AMDHD1: variants seen among roughly 807,000 people sequenced by gnomAD.
AMDHD1 encodes the protein probable imidazolonepropionase.
Under a neutral mutation model 44.1 loss-of-function variants are expected in AMDHD1, and 45 were observed. The ratio of observed to expected loss-of-function variants is 1.02; its 90% CI spans 0.80 to 1.31. The LOEUF is 1.31. Among genes scored for constraint, AMDHD1 ranks in the 50% most tolerant of loss-of-function variants. AMDHD1 has a pLI of 0.00. For missense variants in AMDHD1, 586 were observed against 552.1 expected (o/e 1.06, Z -0.61); for synonymous variants, 206 against 205.0 (o/e 1.00, Z -0.04).
chr12:95,961,207 A>C (rs1364560891), intron 5 of AMDHD1, among the ~76,000 whole-genome samples: 1 of 152,112 alleles, frequency 6.6e-6, no homozygotes, highest in Non-Finnish European at 1.5e-5. Context: ...TAAATTTCTA[A>C]AGTATTTTGC....
Position 95,968,044 on chromosome 12 carries a change from C to A in AMDHD1, c.*201C>A. On this transcript the variant is annotated 3_prime_UTR_variant, in exon 9 of 9. Transcript: ENST00000266736. ...GCATTTGACATATAAACAGGTAAAC[C>A]TATTGTGATTAAAATCACAAAACAT... 2.7e-6 allele frequency: 1 copy of A among 369,510 alleles called. No individual in the cohort carries two copies. The highest frequency in any genetic ancestry group is 4.8e-6 in the Non-Finnish European group (1 of 206,670). The allele number at this position is 369,510 out of a possible 1,614,324, so 22.9% of individuals were successfully genotyped here.
rs115168345 is a variant in AMDHD1 at position 95,949,913 on chromosome 12, T to C, written c.138-2804T>C. ...AAACATAGGTACATCCACAGATGAATGAGAGAACCACACTGTTGAAAGGTA... is the reference window on the plus strand; with the variant it reads ...AAACATAGGTACATCCACAGATGAACGAGAGAACCACACTGTTGAAAGGTA... On this transcript the variant is annotated intron_variant, in intron 1 of 8. Transcript: ENST00000266736. Among the ~76,000 whole-genome samples the C allele has an allele frequency of 2.7e-3, 406 of 152,290 alleles. 3 individuals are homozygous for C. Among genetic ancestry groups the C allele is most frequent in the African/African-American group, 9.5e-3 (393 of 41,550 alleles).
At chr12:95,958,066 A>G (rs924123106) in intron 4 of AMDHD1, among the ~76,000 whole-genome samples, 1 of 146,890 alleles carries the variant, frequency 6.8e-6, no homozygotes, top group Non-Finnish European at 1.5e-5. Flanking sequence ...AAATATATAT[A>G]TATTTTTTTA....
At chr12:95,967,243 C>G (rs1196560473) in intron 8 of AMDHD1, among the ~76,000 whole-genome samples, 2 of 152,226 alleles carry the variant, frequency 1.3e-5, no homozygotes, top group African/African-American at 4.8e-5. Context: ...AAGACCCACT[C>G]CCATGATTCA....
At chr12:95,955,529 C>A (rs2080545572) in intron 3 of AMDHD1, among the ~76,000 whole-genome samples, 2 of 152,078 alleles carry the variant, frequency 1.3e-5, no homozygotes, top group East Asian at 1.9e-4. Flanking sequence ...AAAAAAAATT[C>A]TTTTCTTCAG....
At chr12:95,949,302 A>G (rs963498324) in intron 1 of AMDHD1, among the ~76,000 whole-genome samples, 1 of 152,148 alleles carries the variant, frequency 6.6e-6, no homozygotes, top group Non-Finnish European at 1.5e-5. Context: ...CCAATTCTAA[A>G]TTTTCACAAA....
intron 2 of AMDHD1, 78 bp downstream of exon 2, chr12:95,952,901 G>T: frequency 2.5e-6 from 2 of 815,698 alleles, no homozygotes; most frequent in Non-Finnish European, 4.0e-6. Flanking sequence ...AAGAGTAACA[G>T]CTTATTTTAA....
At chr12:95,951,494 T>C (rs2080525660) in intron 1 of AMDHD1, among the ~76,000 whole-genome samples, 1 of 152,220 alleles carries the variant, frequency 6.6e-6, no homozygotes, top group African/African-American at 2.4e-5. Context: ...CATTTGTGGG[T>C]GGGCACTTAG....
At chr12:95,959,625 A>G (rs1409410281) in intron 4 of AMDHD1, among the ~76,000 whole-genome samples, 4 of 151,642 alleles carry the variant, frequency 2.6e-5, no homozygotes, top group Admixed American at 2.6e-4. Flanking sequence ...CTCCTCCCCC[A>G]TACCCCCAGA....
chr12:95,956,921 C>T lies in AMDHD1; in HGVS notation c.546C>T (p.Ile182=), dbSNP rs199864506. 8 of 1,612,744 alleles carry T rather than the reference C, an allele frequency of 5.0e-6. No homozygotes were observed. The highest frequency in any genetic ancestry group is 4.0e-5 in the African/African-American group (3 of 75,032). Residue 182 remains isoleucine (I), a synonymous_variant, in exon 4 of 9, where the codon ATC becomes ATT. Coordinates refer to ENST00000266736, the MANE Select transcript of AMDHD1 (RefSeq NM_152435.3). ...VIERARRELD[I]GISATYCGAH... ...AGCGCGCCCGGCGGGAGCTGGACAT[C>T]GGCATCTCGGCTACCTACTGCGGGG...
At chr12:95,946,059 CTCTGTGTGTGTGTGTG>C (rs1183700134) in intron 1 of AMDHD1, among the ~76,000 whole-genome samples, 6 of 142,536 alleles carry the variant, frequency 4.2e-5, no homozygotes, top group Non-Finnish European at 7.4e-5. Context: ...CTCTCTTTCT[CTCTGTGTGTGTGTGTG>C]TGTGTGTGTG....
intron 8 of AMDHD1, 81 bp downstream of exon 8, chr12:95,966,589 T>A: frequency 2.0e-6 from 3 of 1,502,240 alleles, no homozygotes; most frequent in Non-Finnish European, 2.7e-6. Flanking sequence ...TTCCACTAAT[T>A]ATTAGTGTCA....
chr12:95,962,366 A>C lies in AMDHD1; in HGVS notation c.825A>C (p.Glu275Asp). ...HPMKAAELGA[E>D]LGAQAISHLE... ...CCCATTCTCCTTAGCTTGGGGCTGA[A>C]CTGGGAGCGCAGGCAATCAGCCACC... Residue 275 changes from glutamate to aspartate, a missense_variant, in exon 6 of 9, where the codon GAA becomes GAC. By Grantham distance (45) the Glu-to-Asp change is conservative (BLOSUM62 2). Coordinates refer to ENST00000266736, the MANE Select transcript of AMDHD1 (RefSeq NM_152435.3). The C allele has an allele frequency of 6.2e-7, 1 of 1,613,788 alleles. No individual in the cohort carries two copies. The highest frequency in any genetic ancestry group is 8.5e-7 in the Non-Finnish European group (1 of 1,179,828).
chr12:95,961,119 T>TG (rs2080579325), intron 5 of AMDHD1, among the ~76,000 whole-genome samples: 1 of 126,942 alleles, frequency 7.9e-6, no homozygotes, highest in Non-Finnish European at 1.6e-5. Flanking sequence ...CACTCCAGCC[T>TG]GGGGGACAGA....
At chr12:95,949,511 TC>T (rs2080517318) in intron 1 of AMDHD1, among the ~76,000 whole-genome samples, 1 of 152,066 alleles carries the variant, frequency 6.6e-6, no homozygotes, top group African/African-American at 2.4e-5. Flanking sequence ...ATTATTTGTA[TC>T]CCCTAAAAAA....
chr12:95,958,015 T>C (rs778064068), intron 4 of AMDHD1, among the ~76,000 whole-genome samples: 2 of 152,202 alleles, frequency 1.3e-5, no homozygotes, highest in Non-Finnish European at 2.9e-5. Flanking sequence ...ATTGTGCCAC[T>C]GTACTCCAGC....
At chr12:95,965,810 C>T (rs377465888) in intron 7 of AMDHD1, 31 bp downstream of exon 7, 3 of 1,372,422 alleles carry the variant, frequency 2.2e-6, no homozygotes, top group African/African-American at 1.4e-5. Context: ...CCTTTCTGAG[C>T]AGAGTATCTA....
intron 6 of AMDHD1, 34 bp downstream of exon 6, chr12:95,962,513 C>T (rs760735282): frequency 6.3e-7 from 1 of 1,574,842 alleles, no homozygotes; most frequent in East Asian, 2.3e-5. Flanking sequence ...CCAAGAGCTG[C>T]AAGTACAAGC....
At position 95,961,225 on chromosome 12, in the gene AMDHD1, A is replaced by G. The variant is rs145349498; in HGVS notation, c.813+602A>G. Among the ~76,000 whole-genome samples, 6 of 152,240 alleles carry G rather than the reference A, an allele frequency of 3.9e-5. No individual in the cohort carries two copies. The East Asian group carries it at 1.2e-3, about 29-fold the overall frequency. On this transcript the variant is annotated intron_variant, in intron 5 of 8. Coordinates refer to ENST00000266736, the MANE Select transcript of AMDHD1 (RefSeq NM_152435.3). ...ATTTCTAAAGTATTTTGCTTGGCAC[A>G]CAAAGCCACACTAGCACAGTATATT...
Sources: gnomAD v4.1 joint callset for allele counts (sites outside exome capture counted in the v4.1 genomes callset) on GRCh38, gnomAD v4.1.1 for gene constraint, MANE v1.5 for transcripts, NCBI Gene and HGNC (gene_info 2026-07-23, HGNC 2026-07-21) for gene names.